The following KAZN variants were observed in gnomAD, a reference collection of about 807,000 sequenced individuals.
The protein encoded by KAZN is kazrin.
A neutral mutation model predicts 87.4 loss-of-function variants in KAZN; 40 were observed. The observed-to-expected ratio is 0.46, with a 90% CI of 0.36 to 0.60. The LOEUF (loss-of-function observed/expected upper bound fraction) is 0.60. KAZN is among the 20% of genes least tolerant of loss of function. The pLI, the probability that KAZN is intolerant of heterozygous loss-of-function variation, is 0.00. For synonymous variants in KAZN, 466 were observed against 458.3 expected (o/e 1.02, Z -0.22); for missense variants, 898 against 1,073.9 (o/e 0.84, Z 2.29).
rs1008884662 is a variant in KAZN, at chr1:14,701,093, T to C, written c.226+101870T>C. 4.5e-4 allele frequency among the ~76,000 whole-genome samples: 69 copies of C among 152,184 alleles called. 1 individual carries two copies. Among genetic ancestry groups the C allele is most frequent in the Non-Finnish European group, 8.8e-5 (6 of 68,030 alleles). On this transcript the variant is annotated intron_variant, in intron 1 of 14. Transcript: ENST00000376030. ...CCCCACCATGCTCATTAGTGATGAG[T>C]GTATAATGTAAAACATATGACATTA...
intron 2 of KAZN, among the ~76,000 whole-genome samples, chr1:14,416,059 A>G (rs1039715567): frequency 7.9e-5 from 12 of 152,136 alleles, no homozygotes; most frequent in African/African-American, 2.7e-4. Context: ...GAGTTTGCAG[A>G]AAAAAGGCAC....
At chr1:14,740,868 C>T (rs1165224565) in intron 1 of KAZN, among the ~76,000 whole-genome samples, 1 of 152,222 alleles carries the variant, frequency 6.6e-6, no homozygotes, top group African/African-American at 2.4e-5. Context: ...GTAGGAATAA[C>T]AGGGCATTTG....
intron 2 of KAZN, among the ~76,000 whole-genome samples, chr1:14,565,923 T>C (rs548432423): frequency 5.9e-5 from 9 of 152,322 alleles, no homozygotes; most frequent in African/African-American, 2.2e-4. Flanking sequence ...TCTTAAATTC[T>C]TCAAAGTCAT....
At chr1:14,618,167 G>A (rs112730184) in intron 1 of KAZN, among the ~76,000 whole-genome samples, 3,744 of 152,296 alleles carry the variant, frequency 0.025, 93 homozygotes, top group South Asian at 0.088. Context: ...TCTTCATCTA[G>A]TTTGTAAGGT....
chr1:14,602,694 T>A (rs1309595893), intron 1 of KAZN, among the ~76,000 whole-genome samples: 2 of 152,208 alleles, frequency 1.3e-5, no homozygotes, highest in African/African-American at 4.8e-5. Context: ...AATATTAGAT[T>A]CAGTTGGTTG....
chr1:14,965,124 C>T (rs780547475), intron 2 of KAZN, among the ~76,000 whole-genome samples: 45 of 151,966 alleles, frequency 3.0e-4, no homozygotes, highest in Non-Finnish European at 3.7e-4. Flanking sequence ...CTCTGCCTCC[C>T]GGGCTCAAAT....
At chr1:14,239,552 C>G (rs1648748682) in intron 2 of KAZN, among the ~76,000 whole-genome samples, 1 of 150,784 alleles carries the variant, frequency 6.6e-6, no homozygotes, top group Non-Finnish European at 1.5e-5. Context: ...CTTCTGCCTC[C>G]CGGGTTCAGG....
At position 15,099,848 on chromosome 1, in the gene KAZN, G is replaced by A. The variant is rs1345489345; in HGVS notation, c.1548-1695G>A. 1.3e-5 allele frequency among the ~76,000 whole-genome samples: 2 copies of A among 152,182 alleles called. No individual in the cohort carries two copies. Among genetic ancestry groups the A allele is most frequent in the Non-Finnish European group, 2.9e-5 (2 of 68,030 alleles). ...GCAGAAACCCACACCAGAGACGCCT[G>A]CAGCTTAGAGCTGGGAAAGGAGAGA... On this transcript the variant is annotated intron_variant, in intron 10 of 14. Coordinates refer to ENST00000376030, the MANE Select transcript of KAZN (RefSeq NM_201628.3). The surrounding 1 kb of genome is among the most constrained non-coding windows in gnomAD (Gnocchi z 5.4).
At chr1:14,900,628 C>T (rs1043383949) in intron 1 of KAZN, among the ~76,000 whole-genome samples, 27 of 151,938 alleles carry the variant, frequency 1.8e-4, no homozygotes, top group African/African-American at 6.3e-4. Context: ...GTGGCAGGCA[C>T]CTGTAGTCCC....
intron 2 of KAZN, among the ~76,000 whole-genome samples, chr1:14,979,363 C>T (rs1447410873): frequency 6.6e-6 from 1 of 151,806 alleles, no homozygotes; most frequent in Non-Finnish European, 1.5e-5. Flanking sequence ...GAGCCGAGAT[C>T]GCACCACTGC....
At position 15,056,264 on chromosome 1, in the gene KAZN, C is replaced by T; in HGVS notation, c.900C>T (p.His300=). 6.2e-7 allele frequency: 1 copy of T among 1,607,138 alleles called. No individual in the cohort carries two copies. Among genetic ancestry groups the T allele is most frequent in the Non-Finnish European group, 8.5e-7 (1 of 1,174,458 alleles). The change falls in exon 5 of 15, where the codon CAC becomes CAT. Residue 300 remains histidine (H), a synonymous_variant. Transcript: ENST00000376030. This position sits in a 1 kb window ranked among gnomAD's most constrained non-coding sequence, Gnocchi z 5.4. The stretch of plus-strand genomic sequence containing the variant: ...CTCTCTACCACTCACACCCCCCTCA[C>T]CCTGCGGACCGGCAAGGTGAGTCCT... The part of the protein sequence containing the change: ...QQTLYHSHPP[H]PADRQAVRVS...
chr1:14,736,053 ATTG>A (rs1321339365), intron 1 of KAZN, among the ~76,000 whole-genome samples: 2 of 152,158 alleles, frequency 1.3e-5, no homozygotes, highest in Non-Finnish European at 2.9e-5. Context: ...GCAGTCAGCC[ATTG>A]TTAGTTTTAT....
intron 1 of KAZN, among the ~76,000 whole-genome samples, chr1:14,116,299 G>T (rs1182557442): frequency 6.6e-6 from 1 of 152,170 alleles, no homozygotes; most frequent in Non-Finnish European, 1.5e-5. Context: ...AAGTGGTTTT[G>T]TGGAACAGGC....
chr1:14,987,833 G>T (rs1156918397), intron 2 of KAZN, among the ~76,000 whole-genome samples: 1 of 152,262 alleles, frequency 6.6e-6, no homozygotes. Flanking sequence ...TAGATCAGGG[G>T]TGTAGGGATA....
rs149807110 is a variant in KAZN, at chr1:14,951,545, C to G, written c.227-9139C>G. ...AGGCTGGGATGCAATGGCACAATCT[C>G]GGTTCACTGCAACCTCCACCTCCCA... On this transcript the variant is annotated intron_variant, in intron 1 of 14. Coordinates refer to ENST00000376030, the MANE Select transcript of KAZN (RefSeq NM_201628.3). 2.6e-5 allele frequency among the ~76,000 whole-genome samples: 4 copies of G among 152,076 alleles called. 1 individual carries two copies. The South Asian group carries it at 8.3e-4, about 32-fold the overall frequency.
At chr1:14,174,358 A>G (rs1047226914) in intron 1 of KAZN, among the ~76,000 whole-genome samples, 24 of 152,194 alleles carry the variant, frequency 1.6e-4, no homozygotes, top group Admixed American at 1.3e-3. Flanking sequence ...CTTATGTGTC[A>G]ACGTGATGTT....
chr1:14,102,914 C>CT (rs61116986), intron 1 of KAZN, among the ~76,000 whole-genome samples: 2,949 of 146,288 alleles, frequency 0.02, 67 homozygotes, highest in African/African-American at 0.047. Context: ...TAATCTCTCT[C>CT]TTTTTTTTTT....
chr1:14,133,382 AAAGAAAGAAAGAAAGAAAGAAAGAAAG>A (rs1645037993), intron 1 of KAZN, among the ~76,000 whole-genome samples: 1 of 14,792 alleles, frequency 6.8e-5, no homozygotes, highest in African/African-American at 5.2e-4. Flanking sequence ...AAAAAAAAAG[AAAGAAAGAAAGAAAGAAAGAAAGAAAG>A]AAAGAAAGAA....
At chr1:15,109,076 A>G (rs1300624964) in intron 13 of KAZN, among the ~76,000 whole-genome samples, 1 of 152,162 alleles carries the variant, frequency 6.6e-6, no homozygotes, top group African/African-American at 2.4e-5. Flanking sequence ...CTTTCTGTGC[A>G]TAGGGTAGCT....
Sources: allele counts gnomAD v4.1 joint callset (sites outside exome capture counted in the v4.1 genomes callset), GRCh38; gene constraint gnomAD v4.1.1; non-coding constraint Gnocchi (gnomAD v3.1); transcripts MANE v1.5; gene names NCBI Gene and HGNC (gene_info 2026-07-23, HGNC 2026-07-21).